Variants in ZNF507 observed in about 807,000 individuals in gnomAD.
ZNF507 encodes the protein zinc finger protein 507.
In ZNF507, 29 loss-of-function variants were observed where a neutral mutation model predicts 80.0. That is an observed-to-expected ratio of 0.36 (90% confidence interval 0.27 to 0.49). The LOEUF is 0.49. ZNF507 is among the 20% of genes least tolerant of loss of function. The pLI is 0.98. For missense variants in ZNF507, 1,081 were observed against 1,152.2 expected (o/e 0.94, Z 0.90); for synonymous variants, 462 against 422.5 (o/e 1.09, Z -1.15).
chr19:32,354,684 A>G lies in ZNF507; in HGVS notation c.1854A>G (p.Gln618=). Residue 618 remains glutamine (Q), a synonymous_variant, in exon 3 of 7, where the codon CAA becomes CAG. Coordinates refer to ENST00000355898, the MANE Select transcript of ZNF507 (RefSeq NM_001136156.2). The part of the protein sequence containing the change: ...LKELQDNAQC[Q]PNSDTSLSGN... ...AGTTGCAGGACAACGCCCAGTGCCA[A>G]CCCAACAGCGATACAAGTTTGTCCG... 2 of 1,614,176 alleles carry G rather than the reference A, an allele frequency of 1.2e-6. No homozygotes were observed. Among genetic ancestry groups the G allele is most frequent in the Middle Eastern group, 1.6e-4 (1 of 6,062 alleles).
chr19:32,352,233 C>T (rs1002747052), intron 2 of ZNF507, among the ~76,000 whole-genome samples: 1 of 152,100 alleles, frequency 6.6e-6, no homozygotes, highest in Non-Finnish European at 1.5e-5. Flanking sequence ...TTATATAGTA[C>T]TTTCCCAAAT....
At chr19:32,357,403 A>T (rs1171038471) in intron 4 of ZNF507, 1 of 152,230 alleles carries the variant, frequency 6.6e-6, no homozygotes, top group African/African-American at 2.4e-5. Context: ...ATATACTTTA[A>T]ATGTCTCCAG....
intron 1 of ZNF507, among the ~76,000 whole-genome samples, chr19:32,346,015 T>G (rs1330887359): frequency 6.6e-6 from 1 of 152,238 alleles, no homozygotes; most frequent in African/African-American, 2.4e-5. Flanking sequence ...TGCTGCTCCC[T>G]GCATACTGTC....
intron 5 of ZNF507, among the ~76,000 whole-genome samples, chr19:32,374,427 T>A (rs1967518708): frequency 6.6e-6 from 1 of 151,976 alleles, no homozygotes; most frequent in Admixed American, 6.6e-5. Context: ...TTATATTATC[T>A]GCAAATCATT....
In ZNF507 at chr19:32,354,328, C is replaced by G. The variant is rs1214937591; in HGVS notation, c.1498C>G (p.Leu500Val). ...ATTACACTCATTAGCTGCAGAAGCCCTTGTCACAATGCCTATAAGAGCTGC... is the reference window on the plus strand; with the variant it reads ...ATTACACTCATTAGCTGCAGAAGCCGTTGTCACAATGCCTATAAGAGCTGC... The part of the protein sequence containing the change: ...LRLHSLAAEA[L>V]VTMPIRAAEL... The change falls in exon 3 of 7, where the codon CTT becomes GTT. Residue 500 changes from leucine to valine, a missense_variant. Leu to Val is a conservative substitution (Grantham distance 32). Transcript: ENST00000355898. The G allele has an allele frequency of 2.5e-6, 4 of 1,614,122 alleles. No individual in the cohort carries two copies. Among genetic ancestry groups the G allele is most frequent in the Non-Finnish European group, 3.4e-6 (4 of 1,180,040 alleles).
intron 5 of ZNF507, among the ~76,000 whole-genome samples, chr19:32,367,231 G>T (rs760750443): frequency 2.7e-4 from 41 of 152,122 alleles, no homozygotes; most frequent in Non-Finnish European, 5.1e-4. Flanking sequence ...AACAGACAGA[G>T]AACTCATTAT....
intron 5 of ZNF507, among the ~76,000 whole-genome samples, chr19:32,370,680 G>A (rs1279860585): frequency 3.9e-5 from 6 of 152,080 alleles, no homozygotes; most frequent in African/African-American, 1.4e-4. Context: ...GCAGTCTTTA[G>A]GTTACTCTTT....
At chr19:32,351,946 C>T (rs1047032356) in intron 2 of ZNF507, among the ~76,000 whole-genome samples, 7 of 152,034 alleles carry the variant, frequency 4.6e-5, no homozygotes, top group African/African-American at 1.4e-4. Flanking sequence ...TTAGTGACTT[C>T]CTCAGCCATA....
At chr19:32,348,536 C>G (rs1040426374) in intron 2 of ZNF507, among the ~76,000 whole-genome samples, 13 of 152,048 alleles carry the variant, frequency 8.5e-5, no homozygotes, top group African/African-American at 3.1e-4. Flanking sequence ...ATAAAGACAA[C>G]TGAAATAATT....
rs759663719 is a variant in ZNF507 at position 32,353,194 on chromosome 19, G to T, written c.364G>T (p.Ala122Ser). 6.2e-7 allele frequency: 1 copy of T among 1,614,040 alleles called. No individual in the cohort carries two copies. ...PDTLAQNEGK[A>S]MSYQCSLCKF... The stretch of plus-strand genomic sequence containing the variant: ...CACTCTTGCCCAGAATGAAGGGAAG[G>T]CTATGTCTTATCAGTGTAGCCTTTG... Residue 122 changes from alanine to serine, a missense_variant, in exon 3 of 7, where the codon GCT becomes TCT. By Grantham distance (99) the Ala-to-Ser change is moderately conservative (BLOSUM62 1). Transcript: ENST00000355898.
At position 32,347,276 on chromosome 19, in the gene ZNF507, A is replaced by G. The variant is rs1003474916; in HGVS notation, c.-65A>G. 6.5e-6 allele frequency: 1 copy of G among 152,726 alleles called. No individual in the cohort carries two copies. Among genetic ancestry groups the G allele is most frequent in the Admixed American group, 6.5e-5 (1 of 15,282 alleles). The allele number at this position is 152,726 out of a possible 1,614,324, so 9.5% of individuals were successfully genotyped here. A position where few individuals can be genotyped will look rare whatever the true frequency, so the allele number is the denominator to read the frequency against. On this transcript the variant is annotated 5_prime_UTR_variant, in exon 2 of 7. Transcript: ENST00000355898. ...TTTGAAGATTGATCCAAGGGACTGT[A>G]TTAATTTCAGGAATTGATTTGAAAG...
rs1198896677 is a variant in ZNF507 at position 32,383,811 on chromosome 19, C to T, written c.*728C>T. 3 of 152,170 alleles carry T rather than the reference C, an allele frequency of 2.0e-5. No individual in the cohort carries two copies. Among genetic ancestry groups the T allele is most frequent in the African/African-American group, 4.8e-5 (2 of 41,426 alleles). The allele number at this position is 152,170 out of a possible 1,614,324, so 9.4% of individuals were successfully genotyped here. ...AATTCTCACCAGACTCAAACCAGAT[C>T]TCAATTCGTAGTAATGCTAAATCGT... On this transcript the variant is annotated 3_prime_UTR_variant, in exon 7 of 7. Transcript: ENST00000355898.
intron 5 of ZNF507, chr19:32,380,761 A>G (rs1387691575): frequency 1.6e-5 from 13 of 819,772 alleles, no homozygotes; most frequent in African/African-American, 1.2e-4. Context: ...GTTTGCCCAA[A>G]TGATGACAAC....
chr19:32,361,883 C>T (rs1328260255), intron 5 of ZNF507, among the ~76,000 whole-genome samples: 3 of 129,518 alleles, frequency 2.3e-5, no homozygotes, highest in Non-Finnish European at 5.0e-5. Flanking sequence ...CCTTTCCCTC[C>T]CCTCCCTCCC....
chr19:32,345,953 C>T (rs1967091150), intron 1 of ZNF507, among the ~76,000 whole-genome samples, 170 bp downstream of exon 1: 1 of 152,214 alleles, frequency 6.6e-6, no homozygotes, highest in African/African-American at 2.4e-5. Context: ...TTCTGTGCAG[C>T]AAGGCCTGCG....
Position 32,360,550 on chromosome 19 carries a change from T to C in ZNF507, c.2292T>C (p.Asp764=). 1 of 1,603,364 alleles carries C rather than the reference T, an allele frequency of 6.2e-7. No homozygotes were observed. The highest frequency in any genetic ancestry group is 1.7e-5 in the Admixed American group (1 of 58,566). The change falls in exon 5 of 7, where the codon GAT becomes GAC. Residue 764 remains aspartate (D), a synonymous_variant. Coordinates refer to ENST00000355898, the MANE Select transcript of ZNF507 (RefSeq NM_001136156.2). ...AACAATATAGATGTGATGTGTGTGA[T>C]TATACAAGTACAACATATGTTGGTG... ...VQKQYRCDVC[D]YTSTTYVGVR...
intron 2 of ZNF507, among the ~76,000 whole-genome samples, chr19:32,349,871 ATTCT>A (rs1967140176): frequency 6.6e-6 from 1 of 152,218 alleles, no homozygotes; most frequent in Admixed American, 6.5e-5. Flanking sequence ...AGAATTAGTC[ATTCT>A]TTCTTTATTC....
In ZNF507 at chr19:32,353,207, A is replaced by G. The variant is rs758916125; in HGVS notation, c.377A>G (p.Gln126Arg). 1.9e-6 allele frequency: 3 copies of G among 1,614,230 alleles called. No homozygotes were observed. Among genetic ancestry groups the G allele is most frequent in the Admixed American group, 3.3e-5 (2 of 60,028 alleles). ...AQNEGKAMSY[Q>R]CSLCKFLSSS... ...AATGAAGGGAAGGCTATGTCTTATC[A>G]GTGTAGCCTTTGTAAGTTTCTATCA... The change falls in exon 3 of 7, where the codon CAG becomes CGG. Residue 126 changes from glutamine to arginine, a missense_variant. By Grantham distance (43) the Gln-to-Arg change is conservative (BLOSUM62 1). Transcript: ENST00000355898.
At chr19:32,361,706 T>TTCCTTCCTTTCCTTCCTTTCCC (rs1967327823) in intron 5 of ZNF507, among the ~76,000 whole-genome samples, 1 of 144,492 alleles carries the variant, frequency 6.9e-6, no homozygotes, top group African/African-American at 2.6e-5. Flanking sequence ...CTTCCTTTCC[T>TTCCTTCCTTTCCTTCCTTTCCC]TCCTTCCTTT....
Sources: gnomAD v4.1 joint callset for allele counts (sites outside exome capture counted in the v4.1 genomes callset) on GRCh38, gnomAD v4.1.1 for gene constraint, MANE v1.5 for transcripts, NCBI Gene and HGNC (gene_info 2026-07-23, HGNC 2026-07-21) for gene names.